Variants in ATXN1 observed in about 807,000 individuals in gnomAD.
ATXN1 encodes ataxin-1.
Under a neutral mutation model 56.4 loss-of-function variants are expected in ATXN1, and 8 were observed. The ratio of observed to expected loss-of-function variants is 0.14; its 90% CI spans 0.08 to 0.26. ATXN1 has a LOEUF of 0.26. Among genes scored for constraint, ATXN1 ranks in the 10% least tolerant of loss-of-function variants. ATXN1 has a pLI of 1.00. For synonymous variants in ATXN1, 514 were observed against 494.6 expected, an observed-to-expected ratio of 1.04 and a Z score of -0.52; for missense variants, 987 against 1,106.5, an observed-to-expected ratio of 0.89 and a Z score of 1.53.
chr6:16,551,744 G>A (rs1761923612), intron 4 of ATXN1, among the ~76,000 whole-genome samples: 2 of 152,232 alleles, frequency 1.3e-5, no homozygotes, highest in East Asian at 1.9e-4. Flanking sequence ...CTGAATGCCT[G>A]CTGCACGTCT....
chr6:16,703,484 A>T (rs941168354), intron 2 of ATXN1, among the ~76,000 whole-genome samples: 10 of 152,224 alleles, frequency 6.6e-5, no homozygotes, highest in African/African-American at 1.7e-4. Context: ...GTATAATTTT[A>T]AAAAAATTCC....
intron 6 of ATXN1, among the ~76,000 whole-genome samples, chr6:16,438,311 A>T (rs115626317): frequency 0.022 from 3,398 of 152,362 alleles, 55 homozygotes; most frequent in Non-Finnish European, 0.036. Context: ...AATTTCTGCC[A>T]TCTGAAAAGC....
Position 16,347,123 on chromosome 6 carries a change from G to A in ATXN1, c.-160-18653C>T, listed in dbSNP as rs928581074. 3.9e-5 allele frequency among the ~76,000 whole-genome samples: 6 copies of A among 152,310 alleles called. No individual in the cohort carries two copies. The East Asian group carries it at 5.8e-4, about 15-fold the overall frequency. On this transcript the variant is annotated intron_variant, in intron 6 of 7. Transcript: ENST00000436367. ...GCCCGCCATGCCTGAACCTCCCCCT[G>A]CCCCTCCGTGGGCTCCTGTGCAGCC... is the stretch of plus-strand genomic sequence containing the variant.
chr6:16,612,841 A>C (rs1309126303), intron 3 of ATXN1, among the ~76,000 whole-genome samples: 8 of 151,196 alleles, frequency 5.3e-5, no homozygotes, highest in African/African-American at 1.9e-4. Context: ...CAGTGAGCCG[A>C]GAGTGCACCA....
intron 6 of ATXN1, among the ~76,000 whole-genome samples, chr6:16,428,716 C>T (rs573033617): frequency 1.2e-4 from 18 of 152,280 alleles, no homozygotes; most frequent in Non-Finnish European, 1.5e-5. Context: ...CTCACTCCAG[C>T]TAACACCCAA....
At chr6:16,758,619 T>TG (rs1323343765) in intron 1 of ATXN1, among the ~76,000 whole-genome samples, 1 of 152,104 alleles carries the variant, frequency 6.6e-6, no homozygotes. Flanking sequence ...ATAAAACACT[T>TG]GGAGTAGTTC....
At chr6:16,376,375 G>T (rs1479328376) in intron 6 of ATXN1, among the ~76,000 whole-genome samples, 1 of 152,140 alleles carries the variant, frequency 6.6e-6, no homozygotes, top group East Asian at 1.9e-4. Flanking sequence ...GGGTGTGTGG[G>T]GATTGTATTT....
At chr6:16,509,182 C>A (rs1472595854) in intron 5 of ATXN1, among the ~76,000 whole-genome samples, 1 of 152,102 alleles carries the variant, frequency 6.6e-6, no homozygotes, top group South Asian at 2.1e-4. Flanking sequence ...GGATGCACAA[C>A]GAGAATATAC....
At chr6:16,539,027 C>T (rs1288723848) in intron 4 of ATXN1, among the ~76,000 whole-genome samples, 1 of 152,146 alleles carries the variant, frequency 6.6e-6, no homozygotes, top group African/African-American at 2.4e-5. Context: ...ACTACTTACC[C>T]CCACTATCCT....
intron 2 of ATXN1, among the ~76,000 whole-genome samples, chr6:16,723,242 T>G (rs1033029555): frequency 2.0e-5 from 3 of 152,240 alleles, no homozygotes; most frequent in Admixed American, 2.0e-4. Context: ...TAACATACTA[T>G]ATTATCATTT....
rs966608531 is a variant in ATXN1 at position 16,303,637 on chromosome 6, C to A, written c.*2692G>T. 6.6e-6 allele frequency: 1 copy of A among 152,578 alleles called. No individual in the cohort carries two copies. The highest frequency in any genetic ancestry group is 2.4e-5 in the African/African-American group (1 of 41,442). 9.5% of individuals were successfully genotyped at this position (152,578 alleles called of 1,614,324 possible). ...TATAATTCCTATACCTGAAATAGAA[C>A]CACAAAAATTATGATGATGTTCCTA... On this transcript the variant is annotated 3_prime_UTR_variant, in exon 8 of 8. Coordinates refer to ENST00000436367, the MANE Select transcript of ATXN1 (RefSeq NM_001128164.2). This position sits in a 1 kb window ranked among gnomAD's most constrained non-coding sequence, Gnocchi z 4.3.
chr6:16,347,012 G>A (rs887888891), intron 6 of ATXN1, among the ~76,000 whole-genome samples: 3 of 152,244 alleles, frequency 2.0e-5, no homozygotes, highest in Non-Finnish European at 4.4e-5. Flanking sequence ...GGCAGTGAGG[G>A]GCTTAGCAGT....
chr6:16,741,322 C>A (rs888576317), intron 2 of ATXN1, among the ~76,000 whole-genome samples: 1 of 152,142 alleles, frequency 6.6e-6, no homozygotes, highest in African/African-American at 2.4e-5. Context: ...GTTTTAAAGG[C>A]TGTAGTTACT....
intron 6 of ATXN1, among the ~76,000 whole-genome samples, chr6:16,395,157 C>T (rs1758426453): frequency 6.6e-6 from 1 of 151,070 alleles, no homozygotes; most frequent in South Asian, 2.1e-4. Flanking sequence ...TGTAATCACA[C>T]TACTCAGGAG....
At chr6:16,463,639 A>T (rs975232267) in intron 6 of ATXN1, among the ~76,000 whole-genome samples, 1 of 152,258 alleles carries the variant, frequency 6.6e-6, no homozygotes, top group African/African-American at 2.4e-5. Context: ...GCACCTTCTT[A>T]GGAGAAGACT....
rs147200979 is a variant in ATXN1 at position 16,374,055 on chromosome 6, T to C, written c.-160-45585A>G. Reference sequence around the variant, plus strand: ...AGGTGATAATACATTGTAATGACACTCTAAAAATGTAGTAATCACTCAATA... The same window carrying C: ...AGGTGATAATACATTGTAATGACACCCTAAAAATGTAGTAATCACTCAATA... On this transcript the variant is annotated intron_variant, in intron 6 of 7. Coordinates refer to ENST00000436367, the MANE Select transcript of ATXN1 (RefSeq NM_001128164.2). Among the ~76,000 whole-genome samples the C allele has an allele frequency of 2.5e-3, 371 of 150,160 alleles. 1 individual carries two copies. Among genetic ancestry groups the C allele is most frequent in the African/African-American group, 8.5e-3 (347 of 40,676 alleles).
intron 7 of ATXN1, among the ~76,000 whole-genome samples, chr6:16,310,527 G>A (rs181469365): frequency 6.6e-6 from 1 of 152,264 alleles, no homozygotes; most frequent in East Asian, 1.9e-4. Flanking sequence ...CTGTCGCCCA[G>A]GCTGGAGTGC....
Position 16,729,936 on chromosome 6 carries a change from C to A in ATXN1, c.-615+23297G>T, listed in dbSNP as rs1286554247. ...TTGATTACCTTTCTTCCTTTTTCCC[C>A]AAATGAATGAAAAACCTCTCATCTC... On this transcript the variant is annotated intron_variant, in intron 2 of 7. Transcript: ENST00000436367. Among the ~76,000 whole-genome samples the A allele has an allele frequency of 2.0e-5, 3 of 152,060 alleles. No individual in the cohort carries two copies. The East Asian group carries it at 5.8e-4, about 29-fold the overall frequency.
Position 16,302,858 on chromosome 6 carries a change from C to T in ATXN1, c.*3471G>A, listed in dbSNP as rs1760144574. On this transcript the variant is annotated 3_prime_UTR_variant, in exon 8 of 8. Coordinates refer to ENST00000436367, the MANE Select transcript of ATXN1 (RefSeq NM_001128164.2). ...CTGATCCTTGTAAGCTGAACGGCAC[C>T]GAAGAATTTCTACCCCTGTCATCGT... The T allele has an allele frequency of 4.6e-5, 7 of 152,614 alleles. No individual in the cohort carries two copies. The South Asian group carries it at 1.4e-3, about 32-fold the overall frequency. 9.5% of individuals were successfully genotyped at this position (152,614 alleles called of 1,614,324 possible).
Sources: gnomAD v4.1 joint callset for allele counts (sites outside exome capture counted in the v4.1 genomes callset) on GRCh38, gnomAD v4.1.1 for gene constraint, Gnocchi (gnomAD v3.1) non-coding constraint, MANE v1.5 for transcripts, NCBI Gene and HGNC (gene_info 2026-07-23, HGNC 2026-07-21) for gene names.